The following NOP14 variants were observed in gnomAD, a reference collection of about 807,000 sequenced individuals.
The protein encoded by NOP14 is nucleolar protein 14.
Under a neutral mutation model 101.6 loss-of-function variants are expected in NOP14, and 57 were observed. The observed-to-expected ratio is 0.56, with a 90% CI of 0.45 to 0.70. The LOEUF (loss-of-function observed/expected upper bound fraction) is 0.70. NOP14 is among the 30% of genes least tolerant of loss of function. NOP14 has a pLI of 0.00. For synonymous variants in NOP14, 428 were observed against 424.0 expected, an observed-to-expected ratio of 1.01 and a Z score of -0.12; for missense variants, 1,134 against 1,075.5, an observed-to-expected ratio of 1.05 and a Z score of -0.76.
At chr4:2,961,313 A>AATATAGTT (rs1577858810) in intron 1 of NOP14, 3 of 19,296 alleles carry the variant, frequency 1.6e-4, no homozygotes, top group Admixed American at 4.7e-4. Context: ...TTACTGATTT[A>AATATAGTT]AGAACTACAT....
At chr4:2,960,574 C>T (rs979173077) in intron 1 of NOP14, among the ~76,000 whole-genome samples, 7 of 150,762 alleles carry the variant, frequency 4.6e-5, no homozygotes, top group South Asian at 2.1e-4. Context: ...CCCCTCATAA[C>T]GGTGAGGATT....
chr4:2,961,124 T>C lies in NOP14; in HGVS notation c.195+2001A>G, dbSNP rs56125772. On this transcript the variant is annotated intron_variant, in intron 1 of 17. Coordinates refer to ENST00000416614, the MANE Select transcript of NOP14 (RefSeq NM_001291978.2). Reference sequence around the variant, plus strand: ...TAATATTTTAATAATATATTAATATTATAATAATATATTAATATACTAATA... The same window carrying C: ...TAATATTTTAATAATATATTAATATCATAATAATATATTAATATACTAATA... Among the ~76,000 whole-genome samples the C allele has an allele frequency of 3.2e-4, 19 of 59,990 alleles. 1 individual carries two copies. Among genetic ancestry groups the C allele is most frequent in the Admixed American group, 8.8e-4 (5 of 5,712 alleles). The allele number at this position is 59,990 out of a possible 152,430, so 39.4% of individuals were successfully genotyped here.
intron 1 of NOP14, among the ~76,000 whole-genome samples, chr4:2,959,359 A>G (rs546207740): frequency 7.7e-4 from 118 of 152,282 alleles, no homozygotes; most frequent in East Asian, 6.8e-3. Context: ...CTGGGAGGCC[A>G]AGGCGGGCGG....
intron 11 of NOP14, 123 bp from the exon 12 acceptor site, chr4:2,945,352 A>AG: frequency 1.4e-6 from 1 of 728,916 alleles, no homozygotes; most frequent in South Asian, 1.7e-5. Flanking sequence ...TCCTTGGCCC[A>AG]GAGCTCTGGC....
chr4:2,945,116 G>C lies in NOP14; in HGVS notation c.1737+12C>G, dbSNP rs1221363181. On this transcript the variant is annotated intron_variant, in intron 12 of 17. Coordinates refer to ENST00000416614, the MANE Select transcript of NOP14 (RefSeq NM_001291978.2). ...AGCAGGCCGACCCCTGCCGCATGTG[G>C]AGAGAACGCACCTTGGTGAGCAGCT... 1 of 1,566,256 alleles carries C rather than the reference G, an allele frequency of 6.4e-7. No homozygotes were observed.
At chr4:2,942,786 G>T (rs944955037) in intron 13 of NOP14, among the ~76,000 whole-genome samples, 15 of 152,232 alleles carry the variant, frequency 9.9e-5, no homozygotes, top group Admixed American at 3.3e-4. Context: ...GTCAGTCGGG[G>T]GTGACGGTGG....
chr4:2,938,238 A>G lies in NOP14; in HGVS notation c.*593T>C, dbSNP rs1435528178. 4.6e-5 allele frequency: 59 copies of G among 1,288,742 alleles called. No homozygotes were observed. The highest frequency in any genetic ancestry group is 5.8e-5 in the Non-Finnish European group (57 of 988,422). 79.8% of individuals were successfully genotyped at this position (1,288,742 alleles called of 1,614,324 possible). A position where few individuals can be genotyped will look rare whatever the true frequency, so the allele number is the denominator to read the frequency against. The stretch of plus-strand genomic sequence containing the variant: ...TTATAGCATTATTACTCTAAAAAAA[A>G]TTACTTTTTTGGCTGGGTGCTGTGG... On this transcript the variant is annotated 3_prime_UTR_variant, in exon 18 of 18. Transcript: ENST00000416614.
In NOP14 at chr4:2,956,726, T is replaced by G. The variant is rs759430543; in HGVS notation, c.416A>C (p.Lys139Thr). ...GTCACTGTCCACAATGTCATTATGC[T>G]TCTCGATGTCTGCCAAAGACTGGCC... ...HYGQSLADIE[K>T]HNDIVDSDSD... The change falls in exon 3 of 18, where the codon AAG becomes ACG. Residue 139 changes from lysine (K) to threonine (T), a missense_variant. Lys to Thr is a moderately conservative substitution (Grantham distance 78, BLOSUM62 -1). Coordinates refer to ENST00000416614, the MANE Select transcript of NOP14 (RefSeq NM_001291978.2). 22 of 1,613,776 alleles carry G rather than the reference T, an allele frequency of 1.4e-5. No individual in the cohort carries two copies. The highest frequency in any genetic ancestry group is 1.9e-5 in the Non-Finnish European group (22 of 1,179,918).
chr4:2,950,716 C>T (rs1440785234), intron 7 of NOP14: 2 of 195,902 alleles, frequency 1.0e-5, no homozygotes, highest in Admixed American at 1.1e-4. Flanking sequence ...CTACACCAGT[C>T]ATGGAAACTC....
rs377180183 is a variant in NOP14, at chr4:2,947,510, C to T, written c.1499+16G>A. The T allele has an allele frequency of 3.8e-6, 6 of 1,584,816 alleles. No individual in the cohort carries two copies. Among genetic ancestry groups the T allele is most frequent in the African/African-American group, 1.3e-5 (1 of 74,396 alleles). On this transcript the variant is annotated intron_variant, in intron 10 of 17. Coordinates refer to ENST00000416614, the MANE Select transcript of NOP14 (RefSeq NM_001291978.2). Reference sequence around the variant, plus strand: ...GCTTAACCCCACATCCCAGATGACACACCATTTTTACTTACACAACCAACT... The same window carrying T: ...GCTTAACCCCACATCCCAGATGACATACCATTTTTACTTACACAACCAACT...
chr4:2,960,826 C>G (rs192374806), intron 1 of NOP14, among the ~76,000 whole-genome samples: 3 of 56,402 alleles, frequency 5.3e-5, no homozygotes, highest in Admixed American at 3.3e-4. Flanking sequence ...ATCACATTAT[C>G]AATATATTAA....
chr4:2,938,789 T>C lies in NOP14; in HGVS notation c.*42A>G. 6.6e-7 allele frequency: 1 copy of C among 1,510,396 alleles called. No homozygotes were observed. The highest frequency in any genetic ancestry group is 9.2e-7 in the Non-Finnish European group (1 of 1,089,364). The allele number at this position is 1,510,396 out of a possible 1,614,324, so 93.6% of individuals were successfully genotyped here. A position where few individuals can be genotyped will look rare whatever the true frequency, so the allele number is the denominator to read the frequency against. On this transcript the variant is annotated 3_prime_UTR_variant, in exon 18 of 18. Transcript: ENST00000416614. The stretch of plus-strand genomic sequence containing the variant: ...TCCCAGAGGGTTGGAATTGCAGATG[T>C]GAGGTAATGTCCAGTTCCTTGCCTT...
At chr4:2,963,048 C>T in intron 1 of NOP14, 77 bp downstream of exon 1, 1 of 1,410,392 alleles carries the variant, frequency 7.1e-7, no homozygotes. Context: ...ACCGACGCAC[C>T]GAGAAGGACG....
At chr4:2,945,716 G>A (rs995235803) in intron 11 of NOP14, among the ~76,000 whole-genome samples, 7 of 152,290 alleles carry the variant, frequency 4.6e-5, no homozygotes, top group South Asian at 4.1e-4. Context: ...CATAGAAACC[G>A]AGACCAATTT....
At chr4:2,940,131 G>A (rs1250230457) in intron 15 of NOP14, among the ~76,000 whole-genome samples, 1 of 148,842 alleles carries the variant, frequency 6.7e-6, no homozygotes, top group Non-Finnish European at 1.5e-5. Flanking sequence ...GGCGGGGCAG[G>A]GTTTCCACCA....
At chr4:2,950,504 G>C in intron 7 of NOP14, 1 of 465,032 alleles carries the variant, frequency 2.2e-6, no homozygotes, top group Middle Eastern at 6.1e-4. Context: ...AAGGTGTACA[G>C]TGGCTGCGGG....
chr4:2,941,361 C>G (rs1714172619), intron 15 of NOP14: 1 of 551,632 alleles, frequency 1.8e-6, no homozygotes, highest in Non-Finnish European at 3.2e-6. Context: ...GCGACAGTTC[C>G]CAGCTGCCGC....
At chr4:2,950,679 C>A in intron 7 of NOP14, 1 of 190,614 alleles carries the variant, frequency 5.2e-6, no homozygotes, top group Non-Finnish European at 1.1e-5. Context: ...AAAAGGGTAC[C>A]GATTTATAAA....
rs1455369680 is a variant in NOP14, at chr4:2,950,048, C to T, written c.1168G>A (p.Glu390Lys). Residue 390 changes from glutamate to lysine, a missense_variant, in exon 8 of 18, where the codon GAA (glutamate) becomes AAA (lysine). Physicochemically the swap from Glu to Lys is moderately conservative, Grantham distance 56. Coordinates refer to ENST00000416614, the MANE Select transcript of NOP14 (RefSeq NM_001291978.2). ...LDLESNVESE[E>K]ENEKPAKEQR... ...TCTTTTGCTGGCTTCTCGTTTTCTTCCTCACTCTCCACGTTGGATTCCAGG... is the reference window on the plus strand; with the variant it reads ...TCTTTTGCTGGCTTCTCGTTTTCTTTCTCACTCTCCACGTTGGATTCCAGG... 3 of 1,614,012 alleles carry T rather than the reference C, an allele frequency of 1.9e-6. No homozygotes were observed. Among genetic ancestry groups the T allele is most frequent in the African/African-American group, 2.7e-5 (2 of 74,934 alleles).
Sources: allele counts gnomAD v4.1 joint callset (sites outside exome capture counted in the v4.1 genomes callset), GRCh38; gene constraint gnomAD v4.1.1; transcripts MANE v1.5; gene names NCBI Gene and HGNC (gene_info 2026-07-23, HGNC 2026-07-21).